CD47: variants seen among roughly 807,000 people sequenced by gnomAD.
CD47 encodes the protein leukocyte surface antigen CD47.
In CD47, 11 loss-of-function variants were observed where a neutral mutation model predicts 44.6. The ratio of observed to expected loss-of-function variants is 0.25; its 90% confidence interval spans 0.16 to 0.41. The LOEUF is 0.41. Ranked by LOEUF, CD47 falls within the 10% of genes least tolerant of loss-of-function variation. The pLI, the probability that CD47 is intolerant of heterozygous loss-of-function variation, is 1.00. For missense variants in CD47, 306 were observed against 386.7 expected (o/e 0.79, Z 1.75); for synonymous variants, 140 against 136.3 (o/e 1.03, Z -0.19).
intron 10 of CD47, among the ~76,000 whole-genome samples, chr3:108,048,375 T>TG (rs1320277443): frequency 8.8e-5 from 6 of 67,866 alleles, no homozygotes; most frequent in East Asian, 2.8e-4. Context: ...TGGAGTGTTT[T>TG]TTTTTTTTTT....
intron 10 of CD47, among the ~76,000 whole-genome samples, chr3:108,049,417 G>A (rs2078783831): frequency 2.0e-5 from 3 of 152,132 alleles, no homozygotes; most frequent in South Asian, 2.1e-4. Context: ...AGTCTGATTC[G>A]TGACACCCTA....
chr3:108,068,182 G>T (rs1194155822), intron 3 of CD47, among the ~76,000 whole-genome samples: 1 of 152,176 alleles, frequency 6.6e-6, no homozygotes, highest in African/African-American at 2.4e-5. Flanking sequence ...TAAGCAGGTG[G>T]AGAATAGAGG....
intron 1 of CD47, among the ~76,000 whole-genome samples, chr3:108,082,046 G>A (rs1486203160): frequency 6.6e-6 from 1 of 151,958 alleles, no homozygotes; most frequent in African/African-American, 2.4e-5. Flanking sequence ...GAGAAACACT[G>A]AGGGAGAGAG....
At position 108,089,966 on chromosome 3, in the gene CD47, T is replaced by G. The variant is rs75734904; in HGVS notation, c.46+897A>C. 3.9e-3 allele frequency among the ~76,000 whole-genome samples: 561 copies of G among 145,054 alleles called. 3 individuals are homozygous for G. The highest frequency in any genetic ancestry group is 0.014 in the Middle Eastern group (4 of 288). On this transcript the variant is annotated intron_variant, in intron 1 of 10. Transcript: ENST00000361309. ...TCAGTTTTTACAGACGAAGCACACG[T>G]TTTACAAAAGCGAAATGGATTCCAA...
chr3:108,081,218 G>C (rs1283538077), intron 1 of CD47, among the ~76,000 whole-genome samples: 1 of 151,976 alleles, frequency 6.6e-6, no homozygotes, highest in Non-Finnish European at 1.5e-5. Context: ...TTGCCTTATA[G>C]AAGAGGCACT....
At chr3:108,062,409 A>G (rs1400025930) in intron 3 of CD47, among the ~76,000 whole-genome samples, 1 of 152,142 alleles carries the variant, frequency 6.6e-6, no homozygotes, top group East Asian at 1.9e-4. Context: ...TTTTAATCCC[A>G]TATATATTGT....
In CD47 at chr3:108,045,101, T is replaced by A. The variant is rs1335781591; in HGVS notation, c.*2187A>T. 6.6e-6 allele frequency: 1 copy of A among 152,662 alleles called. No individual in the cohort carries two copies. Among genetic ancestry groups the A allele is most frequent in the African/African-American group, 2.4e-5 (1 of 41,450 alleles). 9.5% of individuals were successfully genotyped at this position (152,662 alleles called of 1,614,324 possible). A position where few individuals can be genotyped will look rare whatever the true frequency, so the allele number is the denominator to read the frequency against. On this transcript the variant is annotated 3_prime_UTR_variant, in exon 11 of 11. Transcript: ENST00000361309. ...CTAGTGAGAGCAAGAGTTGGTTTCA[T>A]CTGGCATTTCCCCCACTATCTCTGG...
intron 1 of CD47, among the ~76,000 whole-genome samples, chr3:108,088,529 T>C (rs2079564716): frequency 6.6e-6 from 1 of 152,150 alleles, no homozygotes. Context: ...AATAATATAT[T>C]CTTTAAGAGA....
Position 108,043,987 on chromosome 3 carries a change from C to T in CD47, c.*3301G>A, listed in dbSNP as rs1203792122. On this transcript the variant is annotated 3_prime_UTR_variant, in exon 11 of 11. Coordinates refer to ENST00000361309, the MANE Select transcript of CD47 (RefSeq NM_001777.4). Reference sequence around the variant, plus strand: ...ATTTTAAAATATGACACAAGTAAAACTGTTTATAAAAAAATCCCTCAACCA... The same window carrying T: ...ATTTTAAAATATGACACAAGTAAAATTGTTTATAAAAAAATCCCTCAACCA... 6.6e-6 allele frequency: 1 copy of T among 152,600 alleles called. No homozygotes were observed. The highest frequency in any genetic ancestry group is 2.4e-5 in the African/African-American group (1 of 41,448). The allele number at this position is 152,600 out of a possible 1,614,324, so 9.5% of individuals were successfully genotyped here. A position where few individuals can be genotyped will look rare whatever the true frequency, so the allele number is the denominator to read the frequency against.
At chr3:108,051,816 G>T (rs757738281) in intron 8 of CD47, 123 bp downstream of exon 8, 3 of 777,342 alleles carry the variant, frequency 3.9e-6, no homozygotes, top group Admixed American at 3.5e-5. Flanking sequence ...GTCATGCAAT[G>T]ACTTCAACAT....
Position 108,045,468 on chromosome 3 carries a change from T to C in CD47, c.*1820A>G, listed in dbSNP as rs1378399871. ...AATACAGCTCCCTCTATATATGTTA[T>C]TATTTTGGACAGCTACACAATCAAG... On this transcript the variant is annotated 3_prime_UTR_variant, in exon 11 of 11. Coordinates refer to ENST00000361309, the MANE Select transcript of CD47 (RefSeq NM_001777.4). The C allele has an allele frequency of 6.6e-6, 1 of 152,578 alleles. No individual in the cohort carries two copies. Among genetic ancestry groups the C allele is most frequent in the Non-Finnish European group, 1.5e-5 (1 of 68,038 alleles). 9.5% of individuals were successfully genotyped at this position (152,578 alleles called of 1,614,324 possible).
At chr3:108,052,114 T>C in intron 7 of CD47, 144 bp from the exon 8 acceptor site, 1 of 534,212 alleles carries the variant, frequency 1.9e-6, no homozygotes, top group South Asian at 2.3e-5. Flanking sequence ...GCTCTGACAG[T>C]CTATTCAAAC....
In CD47 at chr3:108,045,663, A is replaced by C. The variant is rs2078710863; in HGVS notation, c.*1625T>G. On this transcript the variant is annotated 3_prime_UTR_variant, in exon 11 of 11. Transcript: ENST00000361309. ...GCCATGGGCAAACTACTTGGTCCCA[A>C]CATGAAATATGACAATCAATTTGGC... 1 of 152,608 alleles carries C rather than the reference A, an allele frequency of 6.6e-6. No homozygotes were observed. The highest frequency in any genetic ancestry group is 1.5e-5 in the Non-Finnish European group (1 of 68,026). 9.5% of individuals were successfully genotyped at this position (152,608 alleles called of 1,614,324 possible). A position where few individuals can be genotyped will look rare whatever the true frequency, so the allele number is the denominator to read the frequency against.
chr3:108,062,678 C>T lies in CD47; in HGVS notation c.491-1826G>A, dbSNP rs192964592. The stretch of plus-strand genomic sequence containing the variant: ...TTTTTGGAGACAGAGTCTCTCACTC[C>T]GTTACCCAGGCTGGAGTGCAGTGGC... On this transcript the variant is annotated intron_variant, in intron 3 of 10. Transcript: ENST00000361309. Among the ~76,000 whole-genome samples, 587 of 150,164 alleles carry T rather than the reference C, an allele frequency of 3.9e-3. 2 individuals carry two copies. Among genetic ancestry groups the T allele is most frequent in the Non-Finnish European group, 7.1e-3 (476 of 67,474 alleles).
chr3:108,076,644 G>A (rs1301819650), intron 2 of CD47, among the ~76,000 whole-genome samples: 3 of 152,122 alleles, frequency 2.0e-5, no homozygotes, highest in Admixed American at 1.3e-4. Context: ...GAGTTCTTGA[G>A]AGGATAACAG....
intron 9 of CD47, 136 bp from the exon 10 acceptor site, chr3:108,049,787 C>A: frequency 4.4e-6 from 3 of 675,882 alleles, no homozygotes; most frequent in South Asian, 1.7e-5. Flanking sequence ...GCTATCATTT[C>A]ATTATGTAGC....
At chr3:108,073,403 T>C (rs1309208270) in intron 2 of CD47, among the ~76,000 whole-genome samples, 1 of 152,146 alleles carries the variant, frequency 6.6e-6, no homozygotes, top group Non-Finnish European at 1.5e-5. Context: ...CTCTAGGCTC[T>C]TGAAGGCCAG....
At position 108,080,055 on chromosome 3, in the gene CD47, G is replaced by A. The variant is rs1283111484; in HGVS notation, c.336C>T (p.Tyr112=). 6.2e-7 allele frequency: 1 copy of A among 1,612,980 alleles called. No individual in the cohort carries two copies. Among genetic ancestry groups the A allele is most frequent in the South Asian group, 1.1e-5 (1 of 91,028 alleles). Residue 112 remains tyrosine, a synonymous_variant, in exon 2 of 11, where the codon TAC becomes TAT. Coordinates refer to ENST00000361309, the MANE Select transcript of CD47 (RefSeq NM_001777.4). ...KSDAVSHTGN[Y]TCEVTELTRE... ...TGGTTAATTCTGTTACTTCACAAGT[G>A]TAGTTTCCTGTGTGTGAGACAGCAT...
At chr3:108,048,824 T>C (rs2078768952) in intron 10 of CD47, among the ~76,000 whole-genome samples, 1 of 152,130 alleles carries the variant, frequency 6.6e-6, no homozygotes, top group Non-Finnish European at 1.5e-5. Context: ...AAGCAAACTA[T>C]TTACATGACC....
Sources: gnomAD v4.1 joint callset for allele counts (sites outside exome capture counted in the v4.1 genomes callset) on GRCh38, gnomAD v4.1.1 for gene constraint, MANE v1.5 for transcripts, NCBI Gene and HGNC (gene_info 2026-07-23, HGNC 2026-07-21) for gene names.